The following ROCK1 variants were observed in gnomAD, a reference collection of about 807,000 sequenced individuals.
The protein encoded by ROCK1 is Rho associated coiled-coil containing protein kinase 1, also known as rho-associated protein kinase 1.
ROCK1 carries 36 observed loss-of-function variants against 196.8 expected under a neutral mutation model. The observed-to-expected ratio is 0.18, with a 90% CI of 0.14 to 0.24. The LOEUF (loss-of-function observed/expected upper bound fraction) is 0.24, where lower values mean the gene tolerates loss of function less well. ROCK1 is among the 10% of genes least tolerant of loss of function. The probability of loss-of-function intolerance (pLI) is 1.00; values close to 1 mark genes in which losing one functional copy is unlikely to be tolerated. For missense variants in ROCK1, 920 were observed against 1,562.0 expected, an observed-to-expected ratio of 0.59 and a Z score of 6.93; for synonymous variants, 443 against 515.9, an observed-to-expected ratio of 0.86 and a Z score of 1.91.
At chr18:20,968,887 T>C (rs775841560) in intron 24 of ROCK1, 27 bp from the exon 25 acceptor site, 21 of 1,358,668 alleles carry the variant, frequency 1.5e-5, no homozygotes, top group Non-Finnish European at 4.2e-6. Flanking sequence ...TTAAATGTTA[T>C]TGTATGGTAT....
intron 13 of ROCK1, among the ~76,000 whole-genome samples, chr18:21,009,235 G>C (rs2035795387): frequency 7.2e-6 from 1 of 139,112 alleles, no homozygotes; most frequent in African/African-American, 2.7e-5. Context: ...GGATGGTCTC[G>C]ATTTCCTGAC....
chr18:21,049,240 G>A lies in ROCK1; in HGVS notation c.277-11C>T, dbSNP rs1370727451. 2 of 1,536,978 alleles carry A rather than the reference G, an allele frequency of 1.3e-6. No homozygotes were observed. Among genetic ancestry groups the A allele is most frequent in the South Asian group, 1.3e-5 (1 of 79,088 alleles). On this transcript the variant is annotated splice_polypyrimidine_tract_variant and intron_variant, in intron 3 of 32. Transcript: ENST00000399799. ...GGATTTATGCCTTACCTTTAAAATT[G>A]AAAAGGGAAAATAATGAACCTTTTG...
intron 4 of ROCK1, 67 bp from the exon 5 acceptor site, chr18:21,045,534 A>C: frequency 7.9e-7 from 1 of 1,272,146 alleles, no homozygotes; most frequent in African/African-American, 1.5e-5. Context: ...TCACTTAAAA[A>C]GTGGCAAAAA....
intron 25 of ROCK1, chr18:20,968,569 G>C: frequency 2.0e-6 from 1 of 498,420 alleles, no homozygotes; most frequent in Non-Finnish European, 3.5e-6. Flanking sequence ...GCCTCCTAAA[G>C]TGTTGGGATT....
intron 2 of ROCK1, among the ~76,000 whole-genome samples, chr18:21,064,982 G>A (rs991871162): frequency 6.6e-6 from 1 of 152,194 alleles, no homozygotes; most frequent in Non-Finnish European, 1.5e-5. Context: ...CACAACTGGG[G>A]ATAGGTGTTA....
At chr18:21,050,810 C>T (rs1315796112) in intron 2 of ROCK1, among the ~76,000 whole-genome samples, 2 of 152,152 alleles carry the variant, frequency 1.3e-5, no homozygotes, top group African/African-American at 2.4e-5. Flanking sequence ...GGTTACATAT[C>T]CACTGCAAGA....
At chr18:21,076,535 T>G (rs1056821530) in intron 1 of ROCK1, among the ~76,000 whole-genome samples, 9 of 152,142 alleles carry the variant, frequency 5.9e-5, no homozygotes, top group Admixed American at 5.9e-4. Flanking sequence ...ATGATAAGTT[T>G]TATGATACGT....
intron 2 of ROCK1, among the ~76,000 whole-genome samples, chr18:21,066,820 C>T (rs1164754283): frequency 6.6e-6 from 1 of 152,190 alleles, no homozygotes; most frequent in Non-Finnish European, 1.5e-5. Context: ...CACAATTTAT[C>T]CATTGATCAG....
chr18:20,953,535 T>C (rs1433692160), intron 32 of ROCK1, 43 bp downstream of exon 32: 3 of 1,429,900 alleles, frequency 2.1e-6, no homozygotes, highest in Non-Finnish European at 2.9e-6. Context: ...TGTTATCCAA[T>C]CATTTTCACA....
chr18:20,982,051 A>G (rs1386754727), intron 21 of ROCK1, among the ~76,000 whole-genome samples: 2 of 152,206 alleles, frequency 1.3e-5, no homozygotes, highest in African/African-American at 4.8e-5. Flanking sequence ...TATTTTCTAG[A>G]AGCAAAATCA....
rs113552696 is a variant in ROCK1, at chr18:21,028,787, A to G, written c.1200T>C (p.Tyr400=). 40 of 1,608,620 alleles carry G rather than the reference A, an allele frequency of 2.5e-5. No individual in the cohort carries two copies. The African/African-American group carries it at 3.1e-4, about 12-fold the overall frequency. ...NQLPFVGFTY[Y]SNRRYLSSAN... ...TTTAGCATACTTACCTACGATTGCT[A>G]TAATATGTAAATCCTACAAAAGGTA... The change falls in exon 10 of 33, where the codon TAT becomes TAC. Residue 400 remains tyrosine (Y), a synonymous_variant. Transcript: ENST00000399799.
chr18:21,053,571 C>G (rs1417599939), intron 2 of ROCK1, among the ~76,000 whole-genome samples: 2 of 152,224 alleles, frequency 1.3e-5, no homozygotes, highest in African/African-American at 4.8e-5. Context: ...CATGATGGCT[C>G]ACACCTGTAA....
Position 20,952,383 on chromosome 18 carries a change from AAATGAATGAATG to A in ROCK1, c.4062-1008_4062-997del, listed in dbSNP as rs4007700. Among the ~76,000 whole-genome samples the A allele has an allele frequency of 7.8e-4, 115 of 147,574 alleles. No individual in the cohort carries two copies. The Middle Eastern group carries it at 0.011, about 14-fold the overall frequency. ...GGTGACAGAGCGAGACTCTGTCTCAAAATGAATGAATGAATGAATGAATGAATGAATGAATGA... is the reference window on the plus strand; with the variant it reads ...GGTGACAGAGCGAGACTCTGTCTCAAAATGAATGAATGAATGAATGAATGA... On this transcript the variant is annotated intron_variant, in intron 32 of 32. Coordinates refer to ENST00000399799, the MANE Select transcript of ROCK1 (RefSeq NM_005406.3).
At chr18:20,994,957 A>T (rs1332262905) in intron 16 of ROCK1, among the ~76,000 whole-genome samples, 1 of 152,212 alleles carries the variant, frequency 6.6e-6, no homozygotes, top group Non-Finnish European at 1.5e-5. Flanking sequence ...TATCTTCATA[A>T]TCTAGTCAAA....
chr18:21,069,195 C>T (rs1246364681), intron 2 of ROCK1, among the ~76,000 whole-genome samples: 3 of 151,950 alleles, frequency 2.0e-5, no homozygotes, highest in African/African-American at 7.2e-5. Context: ...TTATCAAATG[C>T]TTTTTCTGCA....
chr18:21,023,793 T>C (rs998054255), intron 10 of ROCK1, 113 bp from the exon 11 acceptor site: 70 of 477,962 alleles, frequency 1.5e-4, no homozygotes, highest in Non-Finnish European at 5.5e-5. Context: ...AGTAACTTTG[T>C]TTTTAAAAAT....
intron 26 of ROCK1, 114 bp from the exon 27 acceptor site, chr18:20,967,190 G>A (rs982794362): frequency 2.9e-6 from 2 of 696,692 alleles, no homozygotes; most frequent in Non-Finnish European, 4.7e-6. Flanking sequence ...TAAACTTCAT[G>A]AATGTTTGCT....
At chr18:20,963,800 T>C (rs1022953399) in intron 27 of ROCK1, among the ~76,000 whole-genome samples, 6 of 152,164 alleles carry the variant, frequency 3.9e-5, no homozygotes, top group African/African-American at 1.4e-4. Flanking sequence ...GGGTAATCTT[T>C]ATGTTTGTAT....
At chr18:21,040,796 C>A (rs2036098964) in intron 8 of ROCK1, among the ~76,000 whole-genome samples, 1 of 152,120 alleles carries the variant, frequency 6.6e-6, no homozygotes, top group Non-Finnish European at 1.5e-5. Flanking sequence ...ATCCCTAGCA[C>A]CTAATAAACA....
Sources: allele counts gnomAD v4.1 joint callset (sites outside exome capture counted in the v4.1 genomes callset), GRCh38; gene constraint gnomAD v4.1.1; transcripts MANE v1.5; gene names NCBI Gene and HGNC (gene_info 2026-07-23, HGNC 2026-07-21).